The following SPTAN1 variants were observed in gnomAD, a reference collection of about 807,000 sequenced individuals.
SPTAN1 encodes the protein spectrin alpha chain, non-erythrocytic 1.
Under a neutral mutation model 331.3 loss-of-function variants are expected in SPTAN1, and 61 were observed. The observed-to-expected ratio is 0.18, with a 90% CI of 0.15 to 0.23. The LOEUF (loss-of-function observed/expected upper bound fraction) is 0.23. SPTAN1 is among the 10% of genes least tolerant of loss of function. The pLI is 1.00. For missense variants in SPTAN1, 2,043 were observed against 3,147.9 expected (o/e 0.65, Z 8.40); for synonymous variants, 1,153 against 1,173.9 (o/e 0.98, Z 0.36).
chr9:128,616,507 C>T (rs983932513), intron 41 of SPTAN1, among the ~76,000 whole-genome samples: 1 of 151,338 alleles, frequency 6.6e-6, no homozygotes, highest in Admixed American at 6.6e-5. Flanking sequence ...TGGCTCACGC[C>T]TGTGATCACA....
chr9:128,592,799 C>T (rs1283628731), intron 22 of SPTAN1, among the ~76,000 whole-genome samples, 184 bp from the exon 23 acceptor site: 1 of 152,200 alleles, frequency 6.6e-6, no homozygotes, highest in Non-Finnish European at 1.5e-5. Context: ...CTCTAATTTT[C>T]CTGCTATTTC....
chr9:128,560,488 C>T (rs1009346821), intron 1 of SPTAN1, among the ~76,000 whole-genome samples: 2 of 151,572 alleles, frequency 1.3e-5, no homozygotes, highest in African/African-American at 4.9e-5. Context: ...TCAAGGGATT[C>T]TCCAGCCCCA....
intron 9 of SPTAN1, 86 bp downstream of exon 9, chr9:128,578,331 G>A: frequency 1.9e-6 from 3 of 1,556,314 alleles, no homozygotes; most frequent in Non-Finnish European, 2.6e-6. Flanking sequence ...GCCTATAGTC[G>A]GCGTTGGTAC....
At chr9:128,557,196 G>T (rs188719496) in intron 1 of SPTAN1, among the ~76,000 whole-genome samples, 1 of 152,178 alleles carries the variant, frequency 6.6e-6, no homozygotes, top group Non-Finnish European at 1.5e-5. Context: ...TTGCAAAACT[G>T]TATGTCTAGT....
At chr9:128,593,253 T>G in intron 23 of SPTAN1, 1 of 632,468 alleles carries the variant, frequency 1.6e-6, no homozygotes, top group South Asian at 1.7e-5. Flanking sequence ...GTTGCTTCCA[T>G]GTGCAGCTGT....
Position 128,632,975 on chromosome 9 carries a change from G to C in SPTAN1, c.7308+20G>C. On this transcript the variant is annotated intron_variant, in intron 56 of 56. Transcript: ENST00000372739. ...TACCAGGTATGGGCCTCAGGAGGTG[G>C]GTGAAGAGGTGTCCTTTGGAAAACT... 2 of 1,609,220 alleles carry C rather than the reference G, an allele frequency of 1.2e-6. No homozygotes were observed. The highest frequency in any genetic ancestry group is 1.7e-6 in the Non-Finnish European group (2 of 1,179,982).
At chr9:128,594,804 CTTTTTTTTT>C (rs10594067) in intron 24 of SPTAN1, among the ~76,000 whole-genome samples, 3 of 90,560 alleles carry the variant, frequency 3.3e-5, no homozygotes. Context: ...ATGTATGTAG[CTTTTTTTTT>C]TTTTTTTTTT....
intron 5 of SPTAN1, 84 bp from the exon 6 acceptor site, chr9:128,576,739 T>A: frequency 6.4e-7 from 1 of 1,566,778 alleles, no homozygotes; most frequent in Non-Finnish European, 8.7e-7. Flanking sequence ...TTTGCTGAGA[T>A]GCTTCAAGGA....
chr9:128,631,677 T>G (rs200399458), intron 52 of SPTAN1: 3 of 183,042 alleles, frequency 1.6e-5, no homozygotes, highest in East Asian at 3.1e-4. Flanking sequence ...AATACAAAAA[T>G]TAGGCAGGTG....
chr9:128,609,021 A>T (rs138036000), intron 35 of SPTAN1, 44 bp downstream of exon 35: 172 of 1,613,674 alleles, frequency 1.1e-4, no homozygotes, highest in Non-Finnish European at 1.4e-4. Flanking sequence ...CCCTGAGAGG[A>T]TGCATCCCCT....
At chr9:128,606,706 G>A (rs1050865500) in intron 31 of SPTAN1, among the ~76,000 whole-genome samples, 1 of 151,700 alleles carries the variant, frequency 6.6e-6, no homozygotes, top group Admixed American at 6.6e-5. Flanking sequence ...GGCTGGTCTC[G>A]AACTCCTGAC....
chr9:128,591,338 T>TTA, intron 21 of SPTAN1, 139 bp from the exon 22 acceptor site: 2 of 1,027,322 alleles, frequency 1.9e-6, no homozygotes, highest in Non-Finnish European at 3.0e-6. Context: ...AGTGCTGGGA[T>TTA]TATAGGTGTG....
At chr9:128,564,977 T>G (rs1199361981) in intron 1 of SPTAN1, among the ~76,000 whole-genome samples, 1 of 152,108 alleles carries the variant, frequency 6.6e-6, no homozygotes, top group Admixed American at 6.5e-5. Flanking sequence ...ATTGTGAAGG[T>G]CCTGCTCAAG....
chr9:128,618,473 CT>C (rs1396631221), intron 43 of SPTAN1, among the ~76,000 whole-genome samples: 3 of 151,762 alleles, frequency 2.0e-5, no homozygotes, highest in South Asian at 4.2e-4. Flanking sequence ...GAGGGCTCAC[CT>C]TTTTTGTGAA....
At chr9:128,565,635 A>G (rs938635353) in intron 1 of SPTAN1, among the ~76,000 whole-genome samples, 3 of 152,316 alleles carry the variant, frequency 2.0e-5, no homozygotes, top group Middle Eastern at 3.4e-3. Flanking sequence ...TTTACCTGCT[A>G]GGTGGATGTG....
At chr9:128,560,672 G>C (rs537815189) in intron 1 of SPTAN1, among the ~76,000 whole-genome samples, 1 of 152,066 alleles carries the variant, frequency 6.6e-6, no homozygotes, top group South Asian at 2.1e-4. Flanking sequence ...GAGCCACTGT[G>C]TCTGCCTCAC....
At chr9:128,574,949 G>C in intron 4 of SPTAN1, 134 bp downstream of exon 4, 2 of 1,371,840 alleles carry the variant, frequency 1.5e-6, no homozygotes. Context: ...TGGGGTTGCT[G>C]TCTCTCCAGC....
In SPTAN1 at chr9:128,555,416, C is replaced by G. The variant is rs1306810860; in HGVS notation, c.-4+2720C>G. Reference sequence around the variant, plus strand: ...AGAGTCCAGGTATTTGACGAGCATGCAGAAAACGGGTTGCCTTTTTGGTTT... The same window carrying G: ...AGAGTCCAGGTATTTGACGAGCATGGAGAAAACGGGTTGCCTTTTTGGTTT... On this transcript the variant is annotated intron_variant, in intron 1 of 56. Coordinates refer to ENST00000372739, the MANE Select transcript of SPTAN1 (RefSeq NM_001130438.3). 5 of 1,289,002 alleles carry G rather than the reference C, an allele frequency of 3.9e-6. No individual in the cohort carries two copies. In the East Asian group the frequency reaches 2.2e-4, roughly 57 times the overall value. The allele number at this position is 1,289,002 out of a possible 1,614,324, so 79.8% of individuals were successfully genotyped here.
In SPTAN1 at chr9:128,583,881, C is replaced by T. The variant is rs766986604; in HGVS notation, c.2105C>T (p.Ala702Val). 6.2e-7 allele frequency: 1 copy of T among 1,614,188 alleles called. No homozygotes were observed. Among genetic ancestry groups the T allele is most frequent in the Non-Finnish European group, 8.5e-7 (1 of 1,180,036 alleles). Residue 702 changes from alanine (A) to valine (V), a missense_variant, in exon 16 of 57, where the codon GCT (alanine) becomes GTT (valine). Coordinates refer to ENST00000372739, the MANE Select transcript of SPTAN1 (RefSeq NM_001130438.3). ...CTATATGAAGTAGAAGGTCACTTGG[C>T]TTCGGATGATTACGGCAAAGATCTT... is the stretch of plus-strand genomic sequence containing the variant. The part of the protein sequence containing the change: ...LWLYEVEGHL[A>V]SDDYGKDLTN...
Sources: allele counts gnomAD v4.1 joint callset (sites outside exome capture counted in the v4.1 genomes callset), GRCh38; gene constraint gnomAD v4.1.1; transcripts MANE v1.5; gene names NCBI Gene and HGNC (gene_info 2026-07-23, HGNC 2026-07-21).